CTNND2: variants seen among roughly 807,000 people sequenced by gnomAD.
CTNND2 encodes the protein catenin delta-2.
A neutral mutation model predicts 144.4 loss-of-function variants in CTNND2; 22 were observed. The ratio of observed to expected loss-of-function variants is 0.15; its 90% CI spans 0.11 to 0.22. The LOEUF (loss-of-function observed/expected upper bound fraction) is 0.22. CTNND2 is among the 10% of genes least tolerant of loss of function. CTNND2 has a pLI of 1.00. For missense variants in CTNND2, 1,353 were observed against 1,618.8 expected (o/e 0.84, Z 2.82); for synonymous variants, 751 against 695.6 (o/e 1.08, Z -1.25).
chr5:11,827,430 G>C (rs1159135726), intron 1 of CTNND2, among the ~76,000 whole-genome samples: 1 of 151,862 alleles, frequency 6.6e-6, no homozygotes, highest in East Asian at 1.9e-4. Flanking sequence ...TAACAATAAT[G>C]AATAAAACAA....
chr5:11,122,934 C>T (rs1031762957), intron 12 of CTNND2, among the ~76,000 whole-genome samples: 1 of 152,098 alleles, frequency 6.6e-6, no homozygotes, highest in Non-Finnish European at 1.5e-5. Context: ...GGGATACCTG[C>T]GACCCCTCAG....
chr5:11,434,600 C>T (rs767253281), intron 3 of CTNND2, among the ~76,000 whole-genome samples: 4 of 151,858 alleles, frequency 2.6e-5, no homozygotes, highest in East Asian at 1.9e-4. Context: ...TGACTTTCCA[C>T]GAAATGCATC....
intron 1 of CTNND2, among the ~76,000 whole-genome samples, chr5:11,840,406 T>C (rs967239828): frequency 6.6e-6 from 1 of 152,230 alleles, no homozygotes; most frequent in African/African-American, 2.4e-5. Flanking sequence ...CTCAGGTTAG[T>C]GGCTGATTTC....
intron 9 of CTNND2, among the ~76,000 whole-genome samples, chr5:11,322,169 C>T (rs1752101268): frequency 6.6e-6 from 1 of 152,200 alleles, no homozygotes; most frequent in Non-Finnish European, 1.5e-5. Context: ...TCAATTGCCT[C>T]ATGCAGCTTG....
chr5:11,595,757 A>C (rs1157284059), intron 2 of CTNND2, among the ~76,000 whole-genome samples: 3 of 152,206 alleles, frequency 2.0e-5, no homozygotes, highest in Admixed American at 1.3e-4. Flanking sequence ...TTGGGATTAA[A>C]AAGCTTGAAG....
At chr5:11,426,123 T>G (rs1272803634) in intron 3 of CTNND2, among the ~76,000 whole-genome samples, 2 of 152,198 alleles carry the variant, frequency 1.3e-5, no homozygotes, top group Non-Finnish European at 1.5e-5. Context: ...CATGTTGTAT[T>G]TGAAGTTGAG....
At chr5:11,848,202 AT>A (rs10714188) in intron 1 of CTNND2, among the ~76,000 whole-genome samples, 17,280 of 152,008 alleles carry the variant, frequency 0.11, 3,102 homozygotes, top group African/African-American at 0.38. Context: ...ACATTGCTAC[AT>A]TTTATGGGGA....
At chr5:11,455,829 G>A (rs1366608339) in intron 3 of CTNND2, among the ~76,000 whole-genome samples, 1 of 152,078 alleles carries the variant, frequency 6.6e-6, no homozygotes, top group Non-Finnish European at 1.5e-5. Flanking sequence ...TATAATAAGA[G>A]CATTTTGTTT....
chr5:11,590,627 T>A (rs1166855283), intron 2 of CTNND2, among the ~76,000 whole-genome samples: 4 of 151,642 alleles, frequency 2.6e-5, no homozygotes, highest in African/African-American at 9.7e-5. Context: ...CAATACACCC[T>A]CCCTGCCCTT....
intron 2 of CTNND2, among the ~76,000 whole-genome samples, chr5:11,685,755 G>A (rs1349384020): frequency 6.6e-6 from 1 of 152,166 alleles, no homozygotes; most frequent in Admixed American, 6.5e-5. Context: ...TCTACAAAGA[G>A]TATCTCAGGT....
chr5:11,245,299 T>C (rs1742878976), intron 9 of CTNND2, among the ~76,000 whole-genome samples: 1 of 152,136 alleles, frequency 6.6e-6, no homozygotes, highest in Non-Finnish European at 1.5e-5. Flanking sequence ...GTTATCCAGG[T>C]CCTAGTCCCT....
intron 1 of CTNND2, among the ~76,000 whole-genome samples, chr5:11,815,008 T>C (rs1792549280): frequency 1.3e-5 from 2 of 152,234 alleles, no homozygotes; most frequent in Non-Finnish European, 2.9e-5. Flanking sequence ...TTCATAAGAT[T>C]CTCATTAGTG....
intron 3 of CTNND2, among the ~76,000 whole-genome samples, chr5:11,484,949 C>A (rs1187361890): frequency 6.6e-6 from 1 of 152,074 alleles, no homozygotes; most frequent in Non-Finnish European, 1.5e-5. Flanking sequence ...AATGTAAAAC[C>A]TTCACTATTT....
chr5:11,863,604 T>G (rs1242498342), intron 1 of CTNND2, among the ~76,000 whole-genome samples: 1 of 152,148 alleles, frequency 6.6e-6, no homozygotes, highest in Non-Finnish European at 1.5e-5. Flanking sequence ...ATAAAAATAA[T>G]CAAATCTGAG....
Position 11,346,605 on chromosome 5 carries a change from G to A in CTNND2, c.1395C>T (p.Asp465=). 6.5e-7 allele frequency: 1 copy of A among 1,540,704 alleles called. No individual in the cohort carries two copies. Among genetic ancestry groups the A allele is most frequent in the Non-Finnish European group, 8.8e-7 (1 of 1,142,470 alleles). Reference sequence around the variant, plus strand: ...TGCCTGTGCGCTGCAAGGGGACGGAGTCGACACCAGGGGAAGATGGGGCTA... The same window carrying A: ...TGCCTGTGCGCTGCAAGGGGACGGAATCGACACCAGGGGAAGATGGGGCTA... ...TSTAPSSPGV[D]SVPLQRTGSQ... The change falls in exon 9 of 22, where the codon GAC becomes GAT. Residue 465 remains aspartate (D), a synonymous_variant. Transcript: ENST00000304623.
Position 11,031,962 on chromosome 5 carries a change from T to C in CTNND2, c.2789-8983A>G, listed in dbSNP as rs558729654. ...TCAGACTGAGCCACTGATGGCTTCTTTCTTCATCATCTTGCAGATGGCCTA... is the reference window on the plus strand; with the variant it reads ...TCAGACTGAGCCACTGATGGCTTCTCTCTTCATCATCTTGCAGATGGCCTA... On this transcript the variant is annotated intron_variant, in intron 16 of 21. Transcript: ENST00000304623. 4.6e-5 allele frequency among the ~76,000 whole-genome samples: 7 copies of C among 152,362 alleles called. No individual in the cohort carries two copies. The South Asian group carries it at 1.4e-3, about 32-fold the overall frequency.
intron 3 of CTNND2, among the ~76,000 whole-genome samples, chr5:11,487,432 T>TA (rs1768935825): frequency 6.6e-6 from 1 of 152,132 alleles, no homozygotes; most frequent in Admixed American, 6.6e-5. Flanking sequence ...AACACTACCC[T>TA]AGTAGAGTTT....
intron 2 of CTNND2, among the ~76,000 whole-genome samples, chr5:11,690,045 T>A (rs889511646): frequency 6.6e-6 from 1 of 152,226 alleles, no homozygotes; most frequent in African/African-American, 2.4e-5. Flanking sequence ...AATAATAACC[T>A]GAGTTTATAT....
At chr5:11,691,373 A>AAAAAT (rs376221473) in intron 2 of CTNND2, among the ~76,000 whole-genome samples, 6,723 of 146,262 alleles carry the variant, frequency 0.046, 199 homozygotes, top group Middle Eastern at 0.086. Flanking sequence ...CTCTGTCTCA[A>AAAAAT]AAAATAAAAT....
Sources: gnomAD v4.1 joint callset for allele counts (sites outside exome capture counted in the v4.1 genomes callset) on GRCh38, gnomAD v4.1.1 for gene constraint, MANE v1.5 for transcripts, NCBI Gene and HGNC (gene_info 2026-07-23, HGNC 2026-07-21) for gene names.